The following SYNDIG1L variants were observed in gnomAD, a reference collection of about 807,000 sequenced individuals.
SYNDIG1L encodes the protein synapse differentiation inducing 1 like, also known as synapse differentiation-inducing gene protein 1-like.
A neutral mutation model predicts 20.1 loss-of-function variants in SYNDIG1L; 13 were observed. That is an observed-to-expected ratio of 0.65 (90% CI 0.42 to 1.03). The LOEUF (loss-of-function observed/expected upper bound fraction) is 1.03, where lower values mean the gene tolerates loss of function less well. Among genes scored for constraint, SYNDIG1L ranks in the 50% least tolerant of loss-of-function variants. The probability of loss-of-function intolerance (pLI) is 0.00; values close to 1 mark genes in which losing one functional copy is unlikely to be tolerated. For synonymous variants in SYNDIG1L, 128 were observed against 129.3 expected, an observed-to-expected ratio of 0.99 and a Z score of 0.07; for missense variants, 294 against 305.1, an observed-to-expected ratio of 0.96 and a Z score of 0.27.
the SYNDIG1L span, among the ~76,000 whole-genome samples, chr14:74,454,806 C>T: frequency 1.3e-5 from 2 of 152,222 alleles, no homozygotes; most frequent in African/African-American, 4.8e-5. Context: ...ATAGTTTTTC[C>T]CACCATTCTG....
chr14:74,444,283 C>T, the SYNDIG1L span, among the ~76,000 whole-genome samples: 1 of 151,994 alleles, frequency 6.6e-6, no homozygotes, highest in Non-Finnish European at 1.5e-5. Context: ...TGGTCTCAAA[C>T]TCCTGACCTC....
At chr14:74,430,048 GTTCTTAGCACCGGTCCCGCCCGA>G (rs2139636671), upstream of SYNDIG1L, among the ~76,000 whole-genome samples, 1 of 152,170 alleles carries the variant, frequency 6.6e-6, no homozygotes, top group East Asian at 1.9e-4. Context: ...GATGAGGAGA[GTTCTTAGCACCGGTCCCGCCCGA>G]TTCCCTGCTT....
At chr14:74,420,550 C>T (rs537259840) in intron 1 of SYNDIG1L, among the ~76,000 whole-genome samples, 21 of 151,824 alleles carry the variant, frequency 1.4e-4, no homozygotes, top group Admixed American at 4.6e-4. Flanking sequence ...AAGAGGAAGA[C>T]GACAAAAGTG....
At chr14:74,455,794 T>A in the SYNDIG1L span, among the ~76,000 whole-genome samples, 1 of 152,086 alleles carries the variant, frequency 6.6e-6, no homozygotes, top group African/African-American at 2.4e-5. Flanking sequence ...CCTTCCAGAC[T>A]CCCAAGGCCT....
chr14:74,455,041 C>T, the SYNDIG1L span, among the ~76,000 whole-genome samples: 2 of 152,150 alleles, frequency 1.3e-5, no homozygotes, highest in African/African-American at 4.8e-5. Flanking sequence ...AACTGGAAGG[C>T]CTTCAAAGCA....
At chr14:74,455,205 C>T in the SYNDIG1L span, among the ~76,000 whole-genome samples, 1 of 152,168 alleles carries the variant, frequency 6.6e-6, no homozygotes, top group Non-Finnish European at 1.5e-5. Flanking sequence ...AAATCTCTTT[C>T]CATTCTCATT....
chr14:74,463,987 C>T, the SYNDIG1L span, among the ~76,000 whole-genome samples: 1 of 152,192 alleles, frequency 6.6e-6, no homozygotes, highest in East Asian at 1.9e-4. Context: ...GCGGCATAAG[C>T]AGCAAGTCTG....
chr14:74,438,590 G>A, the SYNDIG1L span, among the ~76,000 whole-genome samples: 10 of 152,276 alleles, frequency 6.6e-5, 1 homozygote, highest in South Asian at 1.9e-3. Context: ...AGCCTCATGG[G>A]TGACACACAG....
At chr14:74,412,371 G>C (rs2086138519) in intron 1 of SYNDIG1L, among the ~76,000 whole-genome samples, 1 of 152,222 alleles carries the variant, frequency 6.6e-6, no homozygotes, top group Non-Finnish European at 1.5e-5. Context: ...TGTGAGCTCT[G>C]TAAGCCGTAT....
chr14:74,472,358 G>C, the SYNDIG1L span: 1 of 152,062 alleles, frequency 6.6e-6, no homozygotes, highest in Non-Finnish European at 1.5e-5. Flanking sequence ...TTTGCATTTG[G>C]CATTGTTTTA....
chr14:74,455,192 A>C, the SYNDIG1L span, among the ~76,000 whole-genome samples: 61,996 of 151,978 alleles, frequency 0.41, 12,861 homozygotes, highest in Non-Finnish European at 0.45. Context: ...AATTGCTTGA[A>C]ATAAATCTCT....
chr14:74,453,993 C>A, the SYNDIG1L span, among the ~76,000 whole-genome samples: 1 of 151,612 alleles, frequency 6.6e-6, no homozygotes, highest in African/African-American at 2.4e-5. Flanking sequence ...ACAAAACAAA[C>A]AAAAAAACTG....
chr14:74,416,013 G>A (rs2086171587), intron 1 of SYNDIG1L, among the ~76,000 whole-genome samples: 2 of 152,118 alleles, frequency 1.3e-5, no homozygotes, highest in Admixed American at 1.3e-4. Context: ...TTATTTGAAA[G>A]TCTAGGAAAG....
the SYNDIG1L span, among the ~76,000 whole-genome samples, chr14:74,464,551 T>C: frequency 6.6e-6 from 1 of 152,232 alleles, no homozygotes; most frequent in African/African-American, 2.4e-5. Flanking sequence ...TGTACTACAT[T>C]ATCCCCAGAG....
At chr14:74,453,352 CAAAAAAAAAAAAAAAAAAAAA>C in the SYNDIG1L span, among the ~76,000 whole-genome samples, 26 of 26,758 alleles carry the variant, frequency 9.7e-4, no homozygotes, top group African/African-American at 1.9e-3. Flanking sequence ...GACTCTGTCT[CAAAAAAAAAAAAAAAAAAAAA>C]AAAAAAAAAA....
At chr14:74,476,595 G>C in the SYNDIG1L span, 1 of 1,534,020 alleles carries the variant, frequency 6.5e-7, no homozygotes, top group Non-Finnish European at 8.7e-7. Context: ...GGGAACATCT[G>C]CAGAAAGTAG....
the SYNDIG1L span, among the ~76,000 whole-genome samples, chr14:74,460,161 C>T: frequency 6.6e-6 from 1 of 152,124 alleles, no homozygotes; most frequent in Non-Finnish European, 1.5e-5. Context: ...AAGCAGATGG[C>T]AGACTCCGGA....
At chr14:74,431,491 T>C in the SYNDIG1L span, among the ~76,000 whole-genome samples, 1 of 152,302 alleles carries the variant, frequency 6.6e-6, no homozygotes, top group Non-Finnish European at 1.5e-5. Flanking sequence ...CTACTCTGTA[T>C]TAGACAGTTT....
At chr14:74,417,785 A>C (rs1260859561) in intron 1 of SYNDIG1L, among the ~76,000 whole-genome samples, 1 of 152,150 alleles carries the variant, frequency 6.6e-6, no homozygotes, top group Non-Finnish European at 1.5e-5. Flanking sequence ...AGTGGTGAGG[A>C]GTTGATCTTG....
Sources: gnomAD v4.1 joint callset for allele counts (sites outside exome capture counted in the v4.1 genomes callset) on GRCh38, gnomAD v4.1.1 for gene constraint, MANE v1.5 for transcripts, NCBI Gene and HGNC (gene_info 2026-07-23, HGNC 2026-07-21) for gene names.